ANKS1B: variants seen among roughly 807,000 people sequenced by gnomAD.
ANKS1B encodes ankyrin repeat and sterile alpha motif domain containing 1B.
In ANKS1B, 36 loss-of-function variants were observed where a neutral mutation model predicts 148.3. That is an observed-to-expected ratio of 0.24 (90% CI 0.19 to 0.32). The LOEUF is 0.32. Ranked by LOEUF, ANKS1B falls within the 10% of genes least tolerant of loss-of-function variation. ANKS1B has a pLI of 1.00. For missense variants in ANKS1B, 1,157 were observed against 1,542.6 expected (o/e 0.75, Z 4.19); for synonymous variants, 542 against 560.8 (o/e 0.97, Z 0.47).
At chr12:99,126,205 G>T (rs903246964) in intron 15 of ANKS1B, among the ~76,000 whole-genome samples, 2 of 152,128 alleles carry the variant, frequency 1.3e-5, no homozygotes, top group Non-Finnish European at 2.9e-5. Context: ...GAACATGGCT[G>T]GTCTAGGTAT....
At chr12:99,435,446 A>G (rs2095444253) in intron 11 of ANKS1B, among the ~76,000 whole-genome samples, 1 of 152,124 alleles carries the variant, frequency 6.6e-6, no homozygotes, top group Admixed American at 6.6e-5. Flanking sequence ...TGCCATGATC[A>G]GAGCTACTTG....
In ANKS1B at chr12:99,330,444, G is replaced by A. The variant is rs12580985; in HGVS notation, c.1756+69187C>T. Among the ~76,000 whole-genome samples, 523 of 151,988 alleles carry A rather than the reference G, an allele frequency of 3.4e-3. 33 individuals are homozygous for A. In the East Asian group the frequency reaches 0.083, roughly 24 times the overall value. ...TTGATTTCCTTCCCAGCTACAAAAT[G>A]AGATCCAAACCAGATGATCCTCAGG... On this transcript the variant is annotated intron_variant, in intron 12 of 26. Coordinates refer to ENST00000683438, the MANE Select transcript of ANKS1B (RefSeq NM_001352186.2).
intron 9 of ANKS1B, among the ~76,000 whole-genome samples, chr12:99,574,881 C>G (rs978320173): frequency 4.6e-5 from 7 of 151,984 alleles, no homozygotes; most frequent in African/African-American, 1.7e-4. Flanking sequence ...TGCCTACTTT[C>G]AAAATTCCAT....
chr12:99,586,669 G>C (rs1157310218), intron 9 of ANKS1B, among the ~76,000 whole-genome samples: 1 of 152,124 alleles, frequency 6.6e-6, no homozygotes, highest in Non-Finnish European at 1.5e-5. Context: ...CATACTCGAG[G>C]CTGGGTAACT....
chr12:99,750,638 G>A (rs2061020692), intron 8 of ANKS1B, among the ~76,000 whole-genome samples: 2 of 152,026 alleles, frequency 1.3e-5, no homozygotes, highest in South Asian at 2.1e-4. Flanking sequence ...CTAGTCAGTG[G>A]AAGATAAGTG....
chr12:99,339,843 C>T (rs1346919061), intron 12 of ANKS1B, among the ~76,000 whole-genome samples: 2 of 152,100 alleles, frequency 1.3e-5, no homozygotes, highest in Non-Finnish European at 2.9e-5. Flanking sequence ...TTTTAGTCCT[C>T]TACCAAACAG....
intron 14 of ANKS1B, among the ~76,000 whole-genome samples, chr12:99,161,779 A>G (rs941750217): frequency 1.3e-5 from 2 of 152,180 alleles, no homozygotes; most frequent in Non-Finnish European, 2.9e-5. Context: ...ACGGATTGTC[A>G]AAAACAATAG....
rs563059946 is a variant in ANKS1B at position 98,941,357 on chromosome 12, A to C, written c.2779-109221T>G. Among the ~76,000 whole-genome samples the C allele has an allele frequency of 2.6e-5, 4 of 152,310 alleles. No individual in the cohort carries two copies. In the East Asian group the frequency reaches 7.7e-4, roughly 29 times the overall value. ...GATTTTAAACCACAAGACCACTAAC[A>C]AAAAGCATATAAATATGAAAAATAT... On this transcript the variant is annotated intron_variant, in intron 17 of 26. Coordinates refer to ENST00000683438, the MANE Select transcript of ANKS1B (RefSeq NM_001352186.2).
chr12:99,030,105 G>A (rs1598684146), intron 17 of ANKS1B, among the ~76,000 whole-genome samples: 1 of 152,174 alleles, frequency 6.6e-6, no homozygotes, highest in Non-Finnish European at 1.5e-5. Flanking sequence ...GCAATGACTG[G>A]CTTTCTTCTG....
chr12:99,709,151 C>T (rs559413154), intron 8 of ANKS1B, among the ~76,000 whole-genome samples: 25 of 152,180 alleles, frequency 1.6e-4, no homozygotes, highest in African/African-American at 5.5e-4. Flanking sequence ...TGTGTGCACG[C>T]ACACATGCAC....
At chr12:99,783,741 G>A (rs1259725917) in intron 4 of ANKS1B, among the ~76,000 whole-genome samples, 2 of 152,130 alleles carry the variant, frequency 1.3e-5, no homozygotes, top group Non-Finnish European at 2.9e-5. Flanking sequence ...AGCAGGGAGA[G>A]GAGGATAGGG....
chr12:99,611,573 G>A (rs2097902691), intron 9 of ANKS1B, among the ~76,000 whole-genome samples: 1 of 152,072 alleles, frequency 6.6e-6, no homozygotes, highest in Admixed American at 6.6e-5. Context: ...AAATGAGACA[G>A]GGCTTCGGGG....
At chr12:98,785,709 C>G (rs540724319) in intron 22 of ANKS1B, among the ~76,000 whole-genome samples, 2 of 152,222 alleles carry the variant, frequency 1.3e-5, no homozygotes, top group East Asian at 3.9e-4. Flanking sequence ...GGGACGAAGG[C>G]GCCTACTCTG....
chr12:99,149,567 G>A (rs1211029629), intron 15 of ANKS1B, among the ~76,000 whole-genome samples: 1 of 152,158 alleles, frequency 6.6e-6, no homozygotes, highest in African/African-American at 2.4e-5. Flanking sequence ...TGTTAGAAAT[G>A]CAGGAGGTGC....
chr12:99,400,854 G>A (rs1200149471), intron 11 of ANKS1B, among the ~76,000 whole-genome samples: 2 of 144,596 alleles, frequency 1.4e-5, no homozygotes, highest in Admixed American at 6.9e-5. Context: ...GTTAATCCCT[G>A]TACTCCATAG....
At chr12:99,694,180 A>C (rs2053555300) in intron 8 of ANKS1B, among the ~76,000 whole-genome samples, 1 of 149,830 alleles carries the variant, frequency 6.7e-6, no homozygotes, top group African/African-American at 2.4e-5. Context: ...TCACACCTGT[A>C]ATCCCAGCAC....
At chr12:99,658,323 G>A (rs2153449686) in intron 8 of ANKS1B, among the ~76,000 whole-genome samples, 2 of 152,206 alleles carry the variant, frequency 1.3e-5, no homozygotes, top group East Asian at 3.9e-4. Context: ...GCTTTTTCCT[G>A]ATGACTAAAT....
rs185898238 is a variant in ANKS1B at position 99,670,827 on chromosome 12, G to T, written c.1129-15617C>A. Among the ~76,000 whole-genome samples, 12 of 152,214 alleles carry T rather than the reference G, an allele frequency of 7.9e-5. No individual in the cohort carries two copies. The East Asian group carries it at 1.9e-3, about 24-fold the overall frequency. The stretch of plus-strand genomic sequence containing the variant: ...TGGGAATGAGGCACAGAGTTTGCAT[G>T]ATTAAGGCAGTATGAATGTGCTTGC... On this transcript the variant is annotated intron_variant, in intron 8 of 26. Transcript: ENST00000683438.
intron 15 of ANKS1B, among the ~76,000 whole-genome samples, chr12:99,127,186 A>G (rs955113776): frequency 3.9e-5 from 6 of 152,158 alleles, no homozygotes; most frequent in Non-Finnish European, 7.3e-5. Context: ...ATCACGTTGA[A>G]TTTGGGAGGC....
Sources: allele counts gnomAD v4.1 joint callset (sites outside exome capture counted in the v4.1 genomes callset), GRCh38; gene constraint gnomAD v4.1.1; transcripts MANE v1.5; gene names NCBI Gene and HGNC (gene_info 2026-07-23, HGNC 2026-07-21).